CAMTA1: variants seen among roughly 807,000 people sequenced by gnomAD.
CAMTA1 encodes calmodulin-binding transcription activator 1.
CAMTA1 carries 27 observed loss-of-function variants against 170.9 expected under a neutral mutation model. The observed-to-expected ratio is 0.16, with a 90% CI of 0.12 to 0.22. CAMTA1 has a LOEUF of 0.22. Among genes scored for constraint, CAMTA1 ranks in the 10% least tolerant of loss-of-function variants. CAMTA1 has a pLI of 1.00. For missense variants in CAMTA1, 1,619 were observed against 2,217.2 expected (o/e 0.73, Z 5.42); for synonymous variants, 833 against 891.5 (o/e 0.93, Z 1.17).
intron 3 of CAMTA1, among the ~76,000 whole-genome samples, chr1:7,058,766 T>C (rs985852093): frequency 6.6e-6 from 1 of 152,126 alleles, no homozygotes; most frequent in Non-Finnish European, 1.5e-5. Context: ...ACTAGCACAT[T>C]CTAGCTGTTA....
At chr1:7,322,978 T>TTTCCCCTTCCCTTTTCCC (rs1678677962) in intron 5 of CAMTA1, among the ~76,000 whole-genome samples, 1 of 113,672 alleles carries the variant, frequency 8.8e-6, no homozygotes, top group Non-Finnish European at 1.7e-5. Flanking sequence ...CGTTCCTCCC[T>TTTCCCCTTCCCTTTTCCC]TTCCCCTTCC....
chr1:7,736,278 A>G lies in CAMTA1; in HGVS notation c.3067-66A>G. ...ATCGTAAAGCATTTGTTTCCCCTAC[A>G]TCGAAGCGCTGATGGGGTCGAGGGC... On this transcript the variant is annotated intron_variant, in intron 12 of 22. Coordinates refer to ENST00000303635, the MANE Select transcript of CAMTA1 (RefSeq NM_015215.4). This position sits in a 1 kb window ranked among gnomAD's most constrained non-coding sequence, Gnocchi z 4.5. The G allele has an allele frequency of 7.4e-7, 1 of 1,351,886 alleles. No individual in the cohort carries two copies. Among genetic ancestry groups the G allele is most frequent in the Non-Finnish European group, 1.0e-6 (1 of 963,944 alleles). The allele number at this position is 1,351,886 out of a possible 1,614,324, so 83.7% of individuals were successfully genotyped here.
At chr1:7,189,424 C>G (rs1654098450) in intron 4 of CAMTA1, among the ~76,000 whole-genome samples, 1 of 152,092 alleles carries the variant, frequency 6.6e-6, no homozygotes, top group Non-Finnish European at 1.5e-5. Flanking sequence ...TGAACTCAAA[C>G]AAATTAGCAA....
rs2093560732 is a variant in CAMTA1 at position 7,482,938 on chromosome 1, C to T, written c.510+15037C>T. Reference sequence around the variant, plus strand: ...CAGAGTGATGTGAGCTGTAAATGTGCCCAGGCCCCACCCCATGTCATCCCA... The same window carrying T: ...CAGAGTGATGTGAGCTGTAAATGTGTCCAGGCCCCACCCCATGTCATCCCA... On this transcript the variant is annotated intron_variant, in intron 6 of 22. Coordinates refer to ENST00000303635, the MANE Select transcript of CAMTA1 (RefSeq NM_015215.4). This position sits in a 1 kb window ranked among gnomAD's most constrained non-coding sequence, Gnocchi z 4.2. Among the ~76,000 whole-genome samples the T allele has an allele frequency of 1.3e-5, 2 of 152,126 alleles. No individual in the cohort carries two copies. The highest frequency in any genetic ancestry group is 2.9e-5 in the Non-Finnish European group (2 of 68,014).
In CAMTA1 at chr1:7,195,235, C is replaced by T. The variant is rs747789478; in HGVS notation, c.303-54256C>T. ...TCCACCTTGCAGGCATATGGCAGCTCCCACGTTCTCACACCATTCGACATT... is the reference window on the plus strand; with the variant it reads ...TCCACCTTGCAGGCATATGGCAGCTTCCACGTTCTCACACCATTCGACATT... On this transcript the variant is annotated intron_variant, in intron 4 of 22. Transcript: ENST00000303635. This position sits in a 1 kb window ranked among gnomAD's most constrained non-coding sequence, Gnocchi z 4.1. Among the ~76,000 whole-genome samples, 1 of 152,180 alleles carries T rather than the reference C, an allele frequency of 6.6e-6. No homozygotes were observed. Among genetic ancestry groups the T allele is most frequent in the Non-Finnish European group, 1.5e-5 (1 of 68,036 alleles).
At chr1:7,165,757 C>G (rs575992418) in intron 4 of CAMTA1, among the ~76,000 whole-genome samples, 17 of 152,196 alleles carry the variant, frequency 1.1e-4, no homozygotes, top group Middle Eastern at 6.8e-3. Flanking sequence ...AAAGTATTTG[C>G]AATACTTTTA....
At chr1:6,894,914 T>C (rs954400169) in intron 3 of CAMTA1, among the ~76,000 whole-genome samples, 1 of 152,152 alleles carries the variant, frequency 6.6e-6, no homozygotes, top group Admixed American at 6.5e-5. Flanking sequence ...AAGCAGAAAA[T>C]GCTCTGTGAG....
Position 7,547,006 on chromosome 1 carries a change from ATTTG to A in CAMTA1, c.510+79109_510+79112del, listed in dbSNP as rs1381061999. Among the ~76,000 whole-genome samples the A allele has an allele frequency of 6.6e-6, 1 of 152,162 alleles. No individual in the cohort carries two copies. Among genetic ancestry groups the A allele is most frequent in the Non-Finnish European group, 1.5e-5 (1 of 68,026 alleles). On this transcript the variant is annotated intron_variant, in intron 6 of 22. Transcript: ENST00000303635. The surrounding 1 kb of genome is among the most constrained non-coding windows in gnomAD (Gnocchi z 5.7). ...CCCATCAGACTTTCAGTTTTTATTC[ATTTG>A]TTTATGTATAACCTTATTTTATTCA...
chr1:7,318,252 C>G (rs1473867082), intron 5 of CAMTA1, among the ~76,000 whole-genome samples: 1 of 152,128 alleles, frequency 6.6e-6, no homozygotes, highest in African/African-American at 2.4e-5. Context: ...TGGCAGGTGG[C>G]ACTTGGAGAT....
intron 6 of CAMTA1, among the ~76,000 whole-genome samples, chr1:7,574,939 T>A (rs756957681): frequency 6.6e-6 from 1 of 152,228 alleles, no homozygotes; most frequent in Non-Finnish European, 1.5e-5. Flanking sequence ...AGGACGGACA[T>A]GTCGACCAGC....
chr1:7,237,777 C>T (rs6702562), intron 4 of CAMTA1, among the ~76,000 whole-genome samples: 4,389 of 152,284 alleles, frequency 0.029, 73 homozygotes, highest in Non-Finnish European at 0.037. Context: ...GGTGGGTTTG[C>T]CGGCTACACC....
Position 7,093,721 on chromosome 1 carries a change from A to G in CAMTA1, c.302+2350A>G, listed in dbSNP as rs1181624644. 2.6e-5 allele frequency among the ~76,000 whole-genome samples: 4 copies of G among 152,326 alleles called. No homozygotes were observed. The highest frequency in any genetic ancestry group is 9.6e-5 in the African/African-American group (4 of 41,576). On this transcript the variant is annotated intron_variant, in intron 4 of 22. Transcript: ENST00000303635. The surrounding 1 kb of genome is among the most constrained non-coding windows in gnomAD (Gnocchi z 4.6). ...ACTTTCTGGAATATACATAGAGCCA[A>G]GAGACCCCACCCCGAGGCACAGGGT...
At chr1:7,038,699 A>G (rs1388878708) in intron 3 of CAMTA1, among the ~76,000 whole-genome samples, 3 of 152,222 alleles carry the variant, frequency 2.0e-5, no homozygotes, top group Admixed American at 2.0e-4. Context: ...ATTTCTTTTG[A>G]AACATTAGTT....
intron 3 of CAMTA1, among the ~76,000 whole-genome samples, chr1:6,870,081 T>C (rs1457872731): frequency 6.6e-6 from 1 of 152,214 alleles, no homozygotes; most frequent in Non-Finnish European, 1.5e-5. Flanking sequence ...TTTTCCCCTT[T>C]TTAATGCAAA....
chr1:7,072,223 G>A (rs1272786934), intron 3 of CAMTA1, among the ~76,000 whole-genome samples: 1 of 152,116 alleles, frequency 6.6e-6, no homozygotes. Context: ...TAGCCACATG[G>A]GGGCTTATAC....
At chr1:6,886,098 C>T in intron 3 of CAMTA1, 1 of 393,912 alleles carries the variant, frequency 2.5e-6, no homozygotes, top group Non-Finnish European at 5.0e-6. Context: ...TTTTTGTTTT[C>T]CTTGAGCCCA....
At chr1:7,546,800 T>A (rs897142236) in intron 6 of CAMTA1, among the ~76,000 whole-genome samples, 4 of 152,192 alleles carry the variant, frequency 2.6e-5, no homozygotes, top group African/African-American at 9.7e-5. Flanking sequence ...GACGAACGTC[T>A]TATTTTGAAA....
intron 15 of CAMTA1, 86 bp from the exon 16 acceptor site, chr1:7,737,873 T>C: frequency 7.2e-7 from 1 of 1,382,264 alleles, no homozygotes; most frequent in Admixed American, 2.2e-5. Context: ...GCACTTTGTG[T>C]CTCTCAGGCA....
intron 4 of CAMTA1, among the ~76,000 whole-genome samples, chr1:7,162,322 C>T (rs952179703): frequency 9.2e-5 from 14 of 152,148 alleles, no homozygotes; most frequent in Non-Finnish European, 1.5e-5. Context: ...TCATATAATA[C>T]AATTCAAAGA....
Sources: gnomAD v4.1 joint callset for allele counts (sites outside exome capture counted in the v4.1 genomes callset) on GRCh38, gnomAD v4.1.1 for gene constraint, Gnocchi (gnomAD v3.1) non-coding constraint, MANE v1.5 for transcripts, NCBI Gene and HGNC (gene_info 2026-07-23, HGNC 2026-07-21) for gene names.